SLC66A2: variants seen among roughly 807,000 people sequenced by gnomAD.
SLC66A2 encodes the protein PQ loop repeat containing 1.
Under a neutral mutation model 25.5 loss-of-function variants are expected in SLC66A2, and 23 were observed. The observed-to-expected ratio is 0.90, with a 90% CI of 0.65 to 1.28. The LOEUF (loss-of-function observed/expected upper bound fraction) is 1.28. SLC66A2 is among the 50% of genes most tolerant of loss of function. The probability of loss-of-function intolerance (pLI) is 0.00; values close to 1 mark genes in which losing one functional copy is unlikely to be tolerated. For synonymous variants in SLC66A2, 193 were observed against 166.5 expected, an observed-to-expected ratio of 1.16 and a Z score of -1.23; for missense variants, 396 against 373.1, an observed-to-expected ratio of 1.06 and a Z score of -0.51.
chr18:79,951,012 T>C lies in SLC66A2; in HGVS notation c.-86A>G. 1.8e-6 allele frequency: 2 copies of C among 1,101,126 alleles called. No individual in the cohort carries two copies. The highest frequency in any genetic ancestry group is 2.4e-6 in the Non-Finnish European group (2 of 835,676). 68.2% of individuals were successfully genotyped at this position (1,101,126 alleles called of 1,614,324 possible). ...TGCTCATCGCCGCTCCGCGCGCTCC[T>C]GCGGCCTCGGGGCCTGCGGGGAGCG... On this transcript the variant is annotated 5_prime_UTR_variant, in exon 2 of 6. Coordinates refer to ENST00000397778, the MANE Select transcript of SLC66A2 (RefSeq NM_025078.5).
intron 4 of SLC66A2, among the ~76,000 whole-genome samples, chr18:79,933,336 A>G (rs1262001951): frequency 1.3e-5 from 2 of 152,230 alleles, no homozygotes; most frequent in African/African-American, 2.4e-5. Context: ...ACATCTACTT[A>G]GTGATGAAAG....
chr18:79,916,251 CTCATAGCCGCAGTG>C lies in SLC66A2; in HGVS notation c.608+2919_608+2932del, dbSNP rs1385066375. Among the ~76,000 whole-genome samples the C allele has an allele frequency of 3.5e-4, 17 of 48,430 alleles. 1 individual carries two copies. The Admixed American group carries it at 3.5e-3, about 10-fold the overall frequency. The allele number at this position is 48,430 out of a possible 152,430, so 31.8% of individuals were successfully genotyped here. ...GCGGCACTCCCGTACCCGTGGTGCT[CTCATAGCCGCAGTG>C]CTCCCGTACCCGTGGTGCTCCCGTA... On this transcript the variant is annotated intron_variant, in intron 5 of 5. Transcript: ENST00000397778.
Position 79,917,244 on chromosome 18 carries a change from C to T in SLC66A2, c.608+1940G>A, listed in dbSNP as rs938050736. On this transcript the variant is annotated intron_variant, in intron 5 of 5. Coordinates refer to ENST00000397778, the MANE Select transcript of SLC66A2 (RefSeq NM_025078.5). This position sits in a 1 kb window ranked among gnomAD's most constrained non-coding sequence, Gnocchi z 6.0. ...AGGATTCCCACGTCCCCCCAGCTGA[C>T]GGGGCAGCCCCTGGGCTGAGACCTT... Among the ~76,000 whole-genome samples, 16 of 152,364 alleles carry T rather than the reference C, an allele frequency of 1.1e-4. No individual in the cohort carries two copies. Among genetic ancestry groups the T allele is most frequent in the Middle Eastern group, 3.4e-3 (1 of 294 alleles).
chr18:79,937,954 G>A lies in SLC66A2; in HGVS notation c.338-3932C>T, dbSNP rs1987267527. On this transcript the variant is annotated intron_variant, in intron 3 of 5. Coordinates refer to ENST00000397778, the MANE Select transcript of SLC66A2 (RefSeq NM_025078.5). The surrounding 1 kb of genome is among the most constrained non-coding windows in gnomAD (Gnocchi z 5.4). Reference sequence around the variant, plus strand: ...ACGGGCAAAGTTGAGAGGAGCTAAGGGAGAACCCACGGATTTTTAAACAAC... The same window carrying A: ...ACGGGCAAAGTTGAGAGGAGCTAAGAGAGAACCCACGGATTTTTAAACAAC... Among the ~76,000 whole-genome samples, 1 of 152,040 alleles carries A rather than the reference G, an allele frequency of 6.6e-6. No homozygotes were observed. The highest frequency in any genetic ancestry group is 2.4e-5 in the African/African-American group (1 of 41,410).
intron 2 of SLC66A2, among the ~76,000 whole-genome samples, chr18:79,946,733 C>A (rs2144976497): frequency 6.6e-6 from 1 of 152,314 alleles, no homozygotes. Flanking sequence ...TTTGGGAGGC[C>A]AAGGCAGGTG....
At chr18:79,911,590 C>G (rs1005160549) in intron 5 of SLC66A2, among the ~76,000 whole-genome samples, 1 of 152,260 alleles carries the variant, frequency 6.6e-6, no homozygotes, top group Admixed American at 6.5e-5. Context: ...ACGGAGCCAT[C>G]ACTGGGCTGG....
Position 79,950,865 on chromosome 18 carries a change from G to C in SLC66A2, c.62C>G (p.Ala21Gly), listed in dbSNP as rs2051096734. 1 of 1,608,128 alleles carries C rather than the reference G, an allele frequency of 6.2e-7. No homozygotes were observed. Among genetic ancestry groups the C allele is most frequent in the Non-Finnish European group, 8.5e-7 (1 of 1,178,090 alleles). Residue 21 changes from alanine (A) to glycine (G), a missense_variant, in exon 2 of 6, where the codon GCG (alanine) becomes GGG (glycine). By Grantham distance (60) the Ala-to-Gly change is moderately conservative. Transcript: ENST00000397778. ...VPLHQLVSWGAAAAMVFGGVV... is the reference protein window; with the variant it reads ...VPLHQLVSWGGAAAMVFGGVV... Reference sequence around the variant, plus strand: ...CCCTCCGAAGACCATGGCCGCGGCCGCGCCCCAGGACACCAGCTGGTGCAG... The same window carrying C: ...CCCTCCGAAGACCATGGCCGCGGCCCCGCCCCAGGACACCAGCTGGTGCAG...
intron 5 of SLC66A2, among the ~76,000 whole-genome samples, chr18:79,916,181 C>CG (rs1568302174): frequency 9.3e-4 from 56 of 60,330 alleles, no homozygotes; most frequent in African/African-American, 2.0e-3. Context: ...CTCCCGTACC[C>CG]TCCCATACCC....
At chr18:79,914,782 G>C (rs1472550831) in intron 5 of SLC66A2, among the ~76,000 whole-genome samples, 2 of 152,226 alleles carry the variant, frequency 1.3e-5, no homozygotes, top group Admixed American at 1.3e-4. Flanking sequence ...CTTCAGACGC[G>C]CAAGTGGAGC....
In SLC66A2 at chr18:79,902,476, G is replaced by A. The variant is rs1306563280; in HGVS notation, c.*1500C>T. ...GTCGCCACACAGGGTACATTCAGCA[G>A]TCACTGCGCCTGCAGTCGGCGACAG... On this transcript the variant is annotated 3_prime_UTR_variant, in exon 6 of 6. Transcript: ENST00000397778. 1 of 152,404 alleles carries A rather than the reference G, an allele frequency of 6.6e-6. No individual in the cohort carries two copies. The highest frequency in any genetic ancestry group is 1.5e-5 in the Non-Finnish European group (1 of 68,048). The allele number at this position is 152,404 out of a possible 1,614,324, so 9.4% of individuals were successfully genotyped here.
In SLC66A2 at chr18:79,904,158, T is replaced by C; in HGVS notation, c.634A>G (p.Ser212Gly). The C allele has an allele frequency of 1.9e-6, 3 of 1,612,878 alleles. No individual in the cohort carries two copies. Among genetic ancestry groups the C allele is most frequent in the Non-Finnish European group, 2.5e-6 (3 of 1,179,766 alleles). The stretch of plus-strand genomic sequence containing the variant: ...TAGGCCGTCTTGAAGGCGTCACCAC[T>C]GGTCCACATGAGCACCATCTTGATG... ...MSIKMVLMWT[S>G]GDAFKTAYFL... The change falls in exon 6 of 6, where the codon AGT becomes GGT. Residue 212 changes from serine (S) to glycine (G), a missense_variant. By Grantham distance (56) the Ser-to-Gly change is moderately conservative (BLOSUM62 0). Coordinates refer to ENST00000397778, the MANE Select transcript of SLC66A2 (RefSeq NM_025078.5). This position sits in a 1 kb window ranked among gnomAD's most constrained non-coding sequence, Gnocchi z 6.3.
At chr18:79,925,513 C>T (rs1985842332) in intron 4 of SLC66A2, among the ~76,000 whole-genome samples, 2 of 152,304 alleles carry the variant, frequency 1.3e-5, no homozygotes, top group Middle Eastern at 6.8e-3. Flanking sequence ...CAGAGGCCCA[C>T]CCTGGCATGC....
chr18:79,909,548 CCA>C (rs1469347031), intron 5 of SLC66A2, among the ~76,000 whole-genome samples: 20 of 149,842 alleles, frequency 1.3e-4, no homozygotes, highest in African/African-American at 3.0e-4. Context: ...CCAACCTTCC[CCA>C]CACCCTCACC....
chr18:79,918,693 C>T lies in SLC66A2; in HGVS notation c.608+491G>A, dbSNP rs1984587494. ...CACGCACTGGTGCAGGGCGCCCAGG[C>T]ATGGTCTGTGGTTCCGAACGTCAGC... On this transcript the variant is annotated intron_variant, in intron 5 of 5. Transcript: ENST00000397778. This position sits in a 1 kb window ranked among gnomAD's most constrained non-coding sequence, Gnocchi z 4.0. Among the ~76,000 whole-genome samples, 1 of 152,258 alleles carries T rather than the reference C, an allele frequency of 6.6e-6. No homozygotes were observed. The highest frequency in any genetic ancestry group is 2.4e-5 in the African/African-American group (1 of 41,472).
chr18:79,922,735 C>T (rs771024124), intron 4 of SLC66A2, among the ~76,000 whole-genome samples: 4 of 151,426 alleles, frequency 2.6e-5, no homozygotes, highest in Non-Finnish European at 5.9e-5. Flanking sequence ...CCTCTCCTTA[C>T]AGCAGCAGGG....
intron 2 of SLC66A2, chr18:79,944,036 G>T (rs1261361511): frequency 6.3e-6 from 1 of 159,770 alleles, no homozygotes. Flanking sequence ...ACTCCAGGTG[G>T]GGTAGGGCTC....
chr18:79,914,193 C>A (rs981609480), intron 5 of SLC66A2, among the ~76,000 whole-genome samples: 1 of 152,230 alleles, frequency 6.6e-6, no homozygotes, highest in Admixed American at 6.5e-5. Context: ...CGTGAGCCAC[C>A]GCGCCCAGCC....
intron 5 of SLC66A2, among the ~76,000 whole-genome samples, chr18:79,908,429 T>C (rs1252233572): frequency 2.0e-5 from 3 of 152,184 alleles, no homozygotes; most frequent in Admixed American, 6.5e-5. Flanking sequence ...GAGAAACCCA[T>C]AGTAATTTGG....
chr18:79,905,600 C>T (rs527248096), intron 5 of SLC66A2, among the ~76,000 whole-genome samples: 7 of 152,390 alleles, frequency 4.6e-5, no homozygotes, highest in South Asian at 2.1e-4. Flanking sequence ...GAGCATTGCG[C>T]GGTGACCCCG....
Sources: allele counts gnomAD v4.1 joint callset (sites outside exome capture counted in the v4.1 genomes callset), GRCh38; gene constraint gnomAD v4.1.1; non-coding constraint Gnocchi (gnomAD v3.1); transcripts MANE v1.5; gene names NCBI Gene and HGNC (gene_info 2026-07-23, HGNC 2026-07-21).